GUCY1A2: variants seen among roughly 807,000 people sequenced by gnomAD.
The protein encoded by GUCY1A2 is guanylate cyclase 1 soluble subunit alpha 2.
A neutral mutation model predicts 63.5 loss-of-function variants in GUCY1A2; 27 were observed. The ratio of observed to expected loss-of-function variants is 0.43; its 90% CI spans 0.31 to 0.59. The LOEUF (loss-of-function observed/expected upper bound fraction) is 0.59. Among genes scored for constraint, GUCY1A2 ranks in the 20% least tolerant of loss-of-function variants. GUCY1A2 has a pLI of 0.11. For missense variants in GUCY1A2, 768 were observed against 913.3 expected, an observed-to-expected ratio of 0.84 and a Z score of 2.05; for synonymous variants, 364 against 343.5, an observed-to-expected ratio of 1.06 and a Z score of -0.66.
intron 4 of GUCY1A2, among the ~76,000 whole-genome samples, chr11:106,830,252 T>C (rs1326856759): frequency 6.6e-6 from 1 of 152,196 alleles, no homozygotes; most frequent in Admixed American, 6.5e-5. Flanking sequence ...GTACAAAGGA[T>C]AGTTGTATTA....
intron 3 of GUCY1A2, among the ~76,000 whole-genome samples, chr11:106,968,303 G>A (rs1861151483): frequency 6.6e-6 from 1 of 152,042 alleles, no homozygotes; most frequent in Non-Finnish European, 1.5e-5. Flanking sequence ...AATCACTTGT[G>A]GAATGTAAGG....
chr11:106,848,524 C>T (rs927855135), intron 4 of GUCY1A2, among the ~76,000 whole-genome samples: 2 of 151,610 alleles, frequency 1.3e-5, no homozygotes, highest in Non-Finnish European at 3.0e-5. Flanking sequence ...AGCATATCTT[C>T]TTGTTTTAAC....
chr11:106,704,470 C>T (rs1862872277), intron 7 of GUCY1A2, among the ~76,000 whole-genome samples: 1 of 152,202 alleles, frequency 6.6e-6, no homozygotes, highest in Non-Finnish European at 1.5e-5. Flanking sequence ...CACTTCACCA[C>T]TGCCTAATCT....
intron 6 of GUCY1A2, among the ~76,000 whole-genome samples, chr11:106,719,903 C>T (rs1863284146): frequency 6.6e-6 from 1 of 152,140 alleles, no homozygotes; most frequent in Non-Finnish European, 1.5e-5. Context: ...ATTTATATAC[C>T]TCTACTGTTT....
chr11:106,847,385 T>C (rs996581251), intron 4 of GUCY1A2, among the ~76,000 whole-genome samples: 3 of 151,448 alleles, frequency 2.0e-5, no homozygotes, highest in African/African-American at 7.3e-5. Context: ...TGCTGTAAGA[T>C]AGTTGTAAGA....
chr11:106,984,353 C>T (rs984318055), intron 2 of GUCY1A2, among the ~76,000 whole-genome samples: 1 of 152,108 alleles, frequency 6.6e-6, no homozygotes, highest in African/African-American at 2.4e-5. Context: ...ACCATTCATG[C>T]AATAGACAAA....
intron 3 of GUCY1A2, among the ~76,000 whole-genome samples, chr11:106,954,191 T>C (rs777483122): frequency 1.3e-5 from 2 of 152,178 alleles, no homozygotes; most frequent in Non-Finnish European, 2.9e-5. Flanking sequence ...TTAGCTATGT[T>C]CCAGAGATTC....
At chr11:106,735,592 A>T (rs1863575249) in intron 6 of GUCY1A2, among the ~76,000 whole-genome samples, 1 of 152,200 alleles carries the variant, frequency 6.6e-6, no homozygotes, top group Admixed American at 6.5e-5. Flanking sequence ...TACAATAAAC[A>T]TGGGAGTGCA....
intron 3 of GUCY1A2, among the ~76,000 whole-genome samples, chr11:106,971,317 A>C (rs1308857403): frequency 6.6e-6 from 1 of 152,018 alleles, no homozygotes; most frequent in Non-Finnish European, 1.5e-5. Context: ...TATATGAAAA[A>C]AATCTTACTG....
chr11:106,889,907 AG>A (rs1275728211), intron 4 of GUCY1A2, among the ~76,000 whole-genome samples: 1 of 152,208 alleles, frequency 6.6e-6, no homozygotes, highest in East Asian at 1.9e-4. Context: ...ATAATAGAAA[AG>A]CAATTACCAA....
Position 106,994,227 on chromosome 11 carries a change from T to C in GUCY1A2, c.304-8096A>G, listed in dbSNP as rs189616951. Among the ~76,000 whole-genome samples the C allele has an allele frequency of 1.4e-3, 211 of 152,336 alleles. 1 individual carries two copies. Among genetic ancestry groups the C allele is most frequent in the African/African-American group, 4.8e-3 (201 of 41,580 alleles). On this transcript the variant is annotated intron_variant, in intron 1 of 7. Coordinates refer to ENST00000526355, the MANE Select transcript of GUCY1A2 (RefSeq NM_000855.3). ...TTATCATCACTATTATTGGTTATAA[T>C]TGATTATACTTAACATATAATCAAT...
intron 3 of GUCY1A2, among the ~76,000 whole-genome samples, chr11:106,959,129 CTA>C (rs1014604245): frequency 6.6e-6 from 1 of 152,108 alleles, no homozygotes; most frequent in African/African-American, 2.4e-5. Flanking sequence ...GAACACTGAG[CTA>C]TGTTTGTCAT....
chr11:107,003,714 A>C (rs1861637200), intron 1 of GUCY1A2, among the ~76,000 whole-genome samples: 1 of 152,194 alleles, frequency 6.6e-6, no homozygotes, highest in Non-Finnish European at 1.5e-5. Context: ...TATTTCTCCC[A>C]AATGCCACCT....
chr11:106,747,033 G>A (rs1333836230), intron 6 of GUCY1A2, among the ~76,000 whole-genome samples: 2 of 152,072 alleles, frequency 1.3e-5, no homozygotes, highest in Non-Finnish European at 2.9e-5. Context: ...TGTCGCCCAC[G>A]CTGGAGTACA....
At chr11:106,727,648 A>G (rs929019366) in intron 6 of GUCY1A2, among the ~76,000 whole-genome samples, 3 of 152,216 alleles carry the variant, frequency 2.0e-5, no homozygotes, top group African/African-American at 7.2e-5. Context: ...TTATGGAAAA[A>G]AAATCACAGG....
intron 6 of GUCY1A2, among the ~76,000 whole-genome samples, chr11:106,711,718 C>T (rs576103859): frequency 2.0e-5 from 3 of 152,206 alleles, no homozygotes; most frequent in South Asian, 2.1e-4. Flanking sequence ...ATTTCTTATA[C>T]TGTAGGCCCA....
intron 1 of GUCY1A2, among the ~76,000 whole-genome samples, chr11:107,004,439 TC>T (rs1226194379): frequency 2.0e-5 from 3 of 152,014 alleles, no homozygotes; most frequent in African/African-American, 7.2e-5. Context: ...CCTTCTCCCC[TC>T]CCCCATGAGT....
At chr11:106,980,317 T>G (rs1228683804) in intron 2 of GUCY1A2, among the ~76,000 whole-genome samples, 2 of 152,104 alleles carry the variant, frequency 1.3e-5, no homozygotes, top group Non-Finnish European at 2.9e-5. Context: ...GAGAGTGAAG[T>G]CCTTAGGTGC....
intron 4 of GUCY1A2, among the ~76,000 whole-genome samples, chr11:106,883,938 G>A (rs1449653763): frequency 1.3e-5 from 2 of 152,022 alleles, no homozygotes; most frequent in African/African-American, 4.8e-5. Flanking sequence ...ACTATCGCAA[G>A]GACAGAAAAC....
Sources: gnomAD v4.1 joint callset for allele counts (sites outside exome capture counted in the v4.1 genomes callset) on GRCh38, gnomAD v4.1.1 for gene constraint, MANE v1.5 for transcripts, NCBI Gene and HGNC (gene_info 2026-07-23, HGNC 2026-07-21) for gene names.